The following MMAB variants were observed in gnomAD, a reference collection of about 807,000 sequenced individuals.
The protein encoded by MMAB is corrinoid adenosyltransferase MMAB.
MMAB carries 17 observed loss-of-function variants against 30.6 expected under a neutral mutation model. That is an observed-to-expected ratio of 0.56 (90% confidence interval 0.38 to 0.83). MMAB has a LOEUF of 0.83. Ranked by LOEUF, MMAB falls within the 40% of genes least tolerant of loss-of-function variation. The probability of loss-of-function intolerance (pLI) is 0.00; values close to 1 mark genes in which losing one functional copy is unlikely to be tolerated. For missense variants in MMAB, 311 were observed against 331.6 expected (o/e 0.94, Z 0.48); for synonymous variants, 134 against 138.6 (o/e 0.97, Z 0.23).
At chr12:109,571,846 T>C (rs1884643081) in intron 1 of MMAB, 136 bp from the exon 2 acceptor site, 1 of 742,176 alleles carries the variant, frequency 1.3e-6, no homozygotes, top group African/African-American at 1.7e-5. Context: ...TGGTCATCTC[T>C]TGTTGATTTC....
chr12:109,567,807 CTT>C (rs1269433799), intron 3 of MMAB: 1 of 152,042 alleles, frequency 6.6e-6, no homozygotes, highest in African/African-American at 2.4e-5. Context: ...AATTTTTTAA[CTT>C]TTCTTTTTAG....
At chr12:109,570,348 C>T (rs1252541913) in intron 2 of MMAB, among the ~76,000 whole-genome samples, 1 of 152,170 alleles carries the variant, frequency 6.6e-6, no homozygotes, top group Admixed American at 6.5e-5. Flanking sequence ...TGTAACCACC[C>T]AACACAAGCC....
At position 109,565,197 on chromosome 12, in the gene MMAB, G is replaced by T. The variant is rs755915198; in HGVS notation, c.291-21C>A. The T allele has an allele frequency of 2.4e-5, 39 of 1,601,402 alleles. 1 individual carries two copies. Among genetic ancestry groups the T allele is most frequent in the Middle Eastern group, 3.3e-4 (2 of 6,054 alleles). ...CAAACCTATGAAGAAAAAGGAAAAAGAATTTGCCTGTAATGTAATGTCCCT... is the reference window on the plus strand; with the variant it reads ...CAAACCTATGAAGAAAAAGGAAAAATAATTTGCCTGTAATGTAATGTCCCT... On this transcript the variant is annotated intron_variant, in intron 3 of 8. Coordinates refer to ENST00000545712, the MANE Select transcript of MMAB (RefSeq NM_052845.4).
At chr12:109,570,505 T>G (rs1884594613) in intron 2 of MMAB, among the ~76,000 whole-genome samples, 1 of 152,214 alleles carries the variant, frequency 6.6e-6, no homozygotes, top group Non-Finnish European at 1.5e-5. Flanking sequence ...GCTTTTATAC[T>G]TTTACTATAC....
At position 109,571,370 on chromosome 12, in the gene MMAB, T is replaced by G. The variant is rs72651703; in HGVS notation, c.196+279A>C. On this transcript the variant is annotated intron_variant, in intron 2 of 8. Transcript: ENST00000545712. The stretch of plus-strand genomic sequence containing the variant: ...TTCAAGCAATTCTCCTGCCTCAGCC[T>G]CCCAAGTAGCTGCTGGGGTTACAGG... Among the ~76,000 whole-genome samples the G allele has an allele frequency of 0.053, 8,131 of 152,148 alleles. 299 individuals carry two copies. The highest frequency in any genetic ancestry group is 0.082 in the Non-Finnish European group (5,599 of 67,984).
intron 7 of MMAB, 68 bp downstream of exon 7, chr12:109,560,972 T>G: frequency 9.7e-5 from 45 of 464,406 alleles, no homozygotes; most frequent in Middle Eastern, 7.3e-4. Context: ...CCTCTCCCTC[T>G]CCCTCCCCCC....
intron 4 of MMAB, among the ~76,000 whole-genome samples, chr12:109,563,956 T>C (rs56778481): frequency 0.016 from 2,393 of 152,290 alleles, 70 homozygotes; most frequent in African/African-American, 0.055. Flanking sequence ...TGCTTGAAGT[T>C]CTCTGCGTGG....
At chr12:109,566,234 C>T (rs1315429190) in intron 3 of MMAB, among the ~76,000 whole-genome samples, 3 of 152,216 alleles carry the variant, frequency 2.0e-5, no homozygotes, top group Non-Finnish European at 4.4e-5. Context: ...CTGGCTGGAC[C>T]CACCTGAATG....
chr12:109,562,746 G>C (rs1295709001), intron 4 of MMAB, among the ~76,000 whole-genome samples: 3 of 152,242 alleles, frequency 2.0e-5, no homozygotes, highest in Non-Finnish European at 4.4e-5. Context: ...GTCAGCCGAG[G>C]CGTGTGGGGA....
In MMAB at chr12:109,569,558, C is replaced by T. The variant is rs1298334970; in HGVS notation, c.197-695G>A. Reference sequence around the variant, plus strand: ...ATATATACATTACCATTATATTTCACATGAAGTCAAAGTCCTCTGTGCCTC... The same window carrying T: ...ATATATACATTACCATTATATTTCATATGAAGTCAAAGTCCTCTGTGCCTC... On this transcript the variant is annotated intron_variant, in intron 2 of 8. Coordinates refer to ENST00000545712, the MANE Select transcript of MMAB (RefSeq NM_052845.4). The surrounding 1 kb of genome is among the most constrained non-coding windows in gnomAD (Gnocchi z 4.1). 6.6e-6 allele frequency among the ~76,000 whole-genome samples: 1 copy of T among 152,224 alleles called. No homozygotes were observed. Among genetic ancestry groups the T allele is most frequent in the Admixed American group, 6.5e-5 (1 of 15,290 alleles).
intron 3 of MMAB, among the ~76,000 whole-genome samples, chr12:109,566,344 T>C (rs1344418825): frequency 6.6e-6 from 1 of 152,204 alleles, no homozygotes; most frequent in Non-Finnish European, 1.5e-5. Flanking sequence ...AAAGGGCCAA[T>C]GGAGAATATC....
chr12:109,560,288 C>T (rs1192395928), intron 7 of MMAB, among the ~76,000 whole-genome samples: 2 of 152,126 alleles, frequency 1.3e-5, no homozygotes, highest in Non-Finnish European at 2.9e-5. Flanking sequence ...TGTGGGGGAC[C>T]GTGACCATGG....
At position 109,556,862 on chromosome 12, in the gene MMAB, C is replaced by T; in HGVS notation, c.*166G>A. 2.9e-6 allele frequency: 2 copies of T among 688,496 alleles called. No individual in the cohort carries two copies. The highest frequency in any genetic ancestry group is 5.3e-6 in the Non-Finnish European group (2 of 377,282). 42.6% of individuals were successfully genotyped at this position (688,496 alleles called of 1,614,324 possible). On this transcript the variant is annotated 3_prime_UTR_variant, in exon 9 of 9. Coordinates refer to ENST00000545712, the MANE Select transcript of MMAB (RefSeq NM_052845.4). ...CAGAATCCCCAAAGGGTCACAGTCC[C>T]TTGAGGAAGGTGGCAAGAGGTGTAG...
intron 7 of MMAB, 131 bp downstream of exon 7, chr12:109,560,909 C>G: frequency 1.1e-6 from 1 of 918,218 alleles, no homozygotes; most frequent in Non-Finnish European, 1.7e-6. Context: ...CCTGCTGTAC[C>G]TGCCTCCTGC....
chr12:109,571,734 T>G (rs1190416382), intron 1 of MMAB, 24 bp from the exon 2 acceptor site: 2 of 1,607,564 alleles, frequency 1.2e-6, no homozygotes, highest in Non-Finnish European at 1.7e-6. Flanking sequence ...AACATCAGTA[T>G]CTGGTGAGTG....
intron 7 of MMAB, 136 bp from the exon 8 acceptor site, chr12:109,559,291 G>A: frequency 2.7e-6 from 2 of 728,092 alleles, no homozygotes; most frequent in South Asian, 1.5e-5. Context: ...CGGCAGTGGA[G>A]ATGACAAATC....
At position 109,558,538 on chromosome 12, in the gene MMAB, C is replaced by T. The variant is rs2058806; in HGVS notation, c.644+558G>A. 6.6e-6 allele frequency among the ~76,000 whole-genome samples: 1 copy of T among 151,918 alleles called. No homozygotes were observed. Among genetic ancestry groups the T allele is most frequent in the East Asian group, 2.0e-4 (1 of 5,128 alleles). On this transcript the variant is annotated intron_variant, in intron 8 of 8. Coordinates refer to ENST00000545712, the MANE Select transcript of MMAB (RefSeq NM_052845.4). The surrounding 1 kb of genome is among the most constrained non-coding windows in gnomAD (Gnocchi z 4.3). Reference sequence around the variant, plus strand: ...AGAAGCCAGGGCTGGGGCAGGAACCCGCAGAGCAGGCTTTGGGCCAGGTGT... The same window carrying T: ...AGAAGCCAGGGCTGGGGCAGGAACCTGCAGAGCAGGCTTTGGGCCAGGTGT...
chr12:109,573,359 T>C lies in MMAB; in HGVS notation c.122A>G (p.Glu41Gly). 1 of 1,613,292 alleles carries C rather than the reference T, an allele frequency of 6.2e-7. No homozygotes were observed. Among genetic ancestry groups the C allele is most frequent in the Admixed American group, 1.7e-5 (1 of 60,014 alleles). Residue 41 changes from glutamate to glycine, a missense_variant, in exon 1 of 9, where the codon GAA becomes GGA. Transcript: ENST00000545712. ...GCCAGCCACTCACCTGTCCCCGTCT[T>C]CCACGCCCTGAGGGCCGCGGCTCTG... ...RFQSRGPQGV[E>G]DGDRPQPSSK...
chr12:109,559,234 C>G, intron 7 of MMAB, 79 bp from the exon 8 acceptor site: 6 of 1,062,068 alleles, frequency 5.6e-6, no homozygotes, highest in Non-Finnish European at 8.8e-6. Context: ...CCTTGAGCAG[C>G]ATTTCACATC....
Sources: gnomAD v4.1 joint callset for allele counts (sites outside exome capture counted in the v4.1 genomes callset) on GRCh38, gnomAD v4.1.1 for gene constraint, Gnocchi (gnomAD v3.1) non-coding constraint, MANE v1.5 for transcripts, NCBI Gene and HGNC (gene_info 2026-07-23, HGNC 2026-07-21) for gene names.